The following SDK1 variants were observed in gnomAD, a reference collection of about 807,000 sequenced individuals.
SDK1 encodes sidekick cell adhesion molecule 1, also known as protein sidekick-1.
A neutral mutation model predicts 245.5 loss-of-function variants in SDK1; 157 were observed. That is an observed-to-expected ratio of 0.64 (90% confidence interval 0.56 to 0.73). The LOEUF (loss-of-function observed/expected upper bound fraction) is 0.73. Among genes scored for constraint, SDK1 ranks in the 30% least tolerant of loss-of-function variants. The probability of loss-of-function intolerance (pLI) is 0.00; values close to 1 mark genes in which losing one functional copy is unlikely to be tolerated. For missense variants in SDK1, 3,583 were observed against 3,002.3 expected (o/e 1.19, Z -4.52); for synonymous variants, 1,647 against 1,278.5 (o/e 1.29, Z -6.15).
intron 5 of SDK1, among the ~76,000 whole-genome samples, chr7:3,932,339 T>C (rs1224175216): frequency 3.3e-5 from 5 of 152,192 alleles, no homozygotes; most frequent in Admixed American, 3.3e-4. Flanking sequence ...TCGTCAACTT[T>C]AGATTTATTG....
intron 4 of SDK1, among the ~76,000 whole-genome samples, chr7:3,680,874 C>T (rs6953151): frequency 0.81 from 123,639 of 152,046 alleles, 50,407 homozygotes; most frequent in Non-Finnish European, 0.85. Context: ...GATGGAGTCT[C>T]GCTCTGTTGC....
At chr7:4,092,279 G>A (rs1301432386) in intron 22 of SDK1, among the ~76,000 whole-genome samples, 2 of 152,192 alleles carry the variant, frequency 1.3e-5, no homozygotes, top group Admixed American at 1.3e-4. Flanking sequence ...GCTGTCTGTG[G>A]CTCTGTCCCA....
chr7:3,945,764 T>C (rs1190028565), intron 5 of SDK1, among the ~76,000 whole-genome samples: 2 of 151,582 alleles, frequency 1.3e-5, no homozygotes, highest in Non-Finnish European at 2.9e-5. Context: ...CCAGGCGTGA[T>C]GGCAGGAGCC....
intron 1 of SDK1, among the ~76,000 whole-genome samples, chr7:3,607,325 A>G (rs1781455587): frequency 6.6e-6 from 1 of 152,218 alleles, no homozygotes; most frequent in African/African-American, 2.4e-5. Flanking sequence ...TGTGTTATAC[A>G]AATATCAGTT....
At chr7:3,471,195 C>G (rs184345652) in intron 1 of SDK1, among the ~76,000 whole-genome samples, 1 of 152,068 alleles carries the variant, frequency 6.6e-6, no homozygotes, top group Non-Finnish European at 1.5e-5. Context: ...TTACTTGAGT[C>G]GTGAGAAGAC....
At chr7:3,522,742 C>T (rs1562537971) in intron 1 of SDK1, among the ~76,000 whole-genome samples, 1 of 152,174 alleles carries the variant, frequency 6.6e-6, no homozygotes, top group Non-Finnish European at 1.5e-5. Flanking sequence ...TCCTAAATCA[C>T]TGACCAATTC....
chr7:4,035,965 G>A (rs7791013), intron 17 of SDK1, among the ~76,000 whole-genome samples: 47,635 of 152,020 alleles, frequency 0.31, 11,678 homozygotes, highest in African/African-American at 0.69. Context: ...ACTATTCAAT[G>A]CTGAATTTGT....
At chr7:3,863,142 C>T (rs1489793212) in intron 5 of SDK1, among the ~76,000 whole-genome samples, 6 of 152,160 alleles carry the variant, frequency 3.9e-5, no homozygotes, top group Non-Finnish European at 4.4e-5. Flanking sequence ...GGTTCCTGTC[C>T]TCCTGAGCCA....
chr7:3,522,540 C>G (rs889003299), intron 1 of SDK1, among the ~76,000 whole-genome samples: 1 of 151,822 alleles, frequency 6.6e-6, no homozygotes, highest in Non-Finnish European at 1.5e-5. Context: ...CTTGGGTGCC[C>G]CTTCAGCTTA....
chr7:4,268,691 C>G lies in SDK1; in HGVS notation c.*3307C>G. On this transcript the variant is annotated 3_prime_UTR_variant, in exon 45 of 45. Transcript: ENST00000404826. The stretch of plus-strand genomic sequence containing the variant: ...CTTGGCACACAGTGTAGCTATCCTC[C>G]TGACGAGCAACCCGTCTGCGTACCT... 1.5e-6 allele frequency: 2 copies of G among 1,367,870 alleles called. No homozygotes were observed. Among genetic ancestry groups the G allele is most frequent in the Admixed American group, 1.9e-5 (1 of 52,586 alleles). 84.7% of individuals were successfully genotyped at this position (1,367,870 alleles called of 1,614,324 possible). A position where few individuals can be genotyped will look rare whatever the true frequency, so the allele number is the denominator to read the frequency against.
chr7:3,367,689 C>G (rs1303539340), intron 1 of SDK1, among the ~76,000 whole-genome samples: 1 of 152,188 alleles, frequency 6.6e-6, no homozygotes, highest in African/African-American at 2.4e-5. Context: ...TAACTTAACT[C>G]TTCGACCTAT....
At chr7:3,536,837 A>C (rs955299760) in intron 1 of SDK1, among the ~76,000 whole-genome samples, 3 of 152,218 alleles carry the variant, frequency 2.0e-5, no homozygotes, top group African/African-American at 7.2e-5. Context: ...TTGATATTTT[A>C]TTGGGAAAAA....
intron 17 of SDK1, among the ~76,000 whole-genome samples, chr7:4,043,051 G>A (rs1237340703): frequency 5.3e-5 from 8 of 152,190 alleles, no homozygotes; most frequent in African/African-American, 1.9e-4. Flanking sequence ...GAAGGAGAGT[G>A]TGTGCCCACA....
chr7:3,921,691 C>T lies in SDK1; in HGVS notation c.848-29232C>T, dbSNP rs371764147. 3.0e-3 allele frequency among the ~76,000 whole-genome samples: 454 copies of T among 152,272 alleles called. 7 individuals are homozygous for T. The South Asian group carries it at 0.036, about 12-fold the overall frequency. On this transcript the variant is annotated intron_variant, in intron 5 of 44. Coordinates refer to ENST00000404826, the MANE Select transcript of SDK1 (RefSeq NM_152744.4). ...AGAAATTAAAACTCCCCGGGCCAGGCACGGTGGCTCATGCCTGTAATCCCA... is the reference window on the plus strand; with the variant it reads ...AGAAATTAAAACTCCCCGGGCCAGGTACGGTGGCTCATGCCTGTAATCCCA...
chr7:3,390,011 G>A (rs935704758), intron 1 of SDK1, among the ~76,000 whole-genome samples: 2 of 152,114 alleles, frequency 1.3e-5, no homozygotes, highest in African/African-American at 4.8e-5. Context: ...GTGGATCATT[G>A]TTATATAGTG....
intron 1 of SDK1, among the ~76,000 whole-genome samples, chr7:3,445,434 GCAAATTATCATC>G (rs1780314519): frequency 1.3e-5 from 2 of 152,148 alleles, no homozygotes; most frequent in African/African-American, 2.4e-5. Flanking sequence ...AAGTTTAAGA[GCAAATTATCATC>G]TTGAATGGTT....
chr7:3,540,919 G>A lies in SDK1; in HGVS notation c.299-78161G>A, dbSNP rs562538888. On this transcript the variant is annotated intron_variant, in intron 1 of 44. Transcript: ENST00000404826. The stretch of plus-strand genomic sequence containing the variant: ...CTTCACCATGATAGGGTGGACCTTC[G>A]TCTTGTCTTTTGGGGGAAGTTATGA... 2.3e-4 allele frequency among the ~76,000 whole-genome samples: 35 copies of A among 152,230 alleles called. 1 individual carries two copies. The East Asian group carries it at 6.6e-3, about 29-fold the overall frequency.
chr7:4,256,370 G>A (rs1787628680), intron 44 of SDK1, among the ~76,000 whole-genome samples: 1 of 152,230 alleles, frequency 6.6e-6, no homozygotes, highest in South Asian at 2.1e-4. Context: ...GAGGGGACTG[G>A]GAAGAAATGT....
chr7:3,458,376 A>G (rs775561051), intron 1 of SDK1, among the ~76,000 whole-genome samples: 13 of 152,288 alleles, frequency 8.5e-5, no homozygotes, highest in Middle Eastern at 3.4e-3. Context: ...CACTGTTTCC[A>G]TAGAGTAGGT....
Sources: allele counts gnomAD v4.1 joint callset (sites outside exome capture counted in the v4.1 genomes callset), GRCh38; gene constraint gnomAD v4.1.1; transcripts MANE v1.5; gene names NCBI Gene and HGNC (gene_info 2026-07-23, HGNC 2026-07-21).